PTPRG: variants seen among roughly 807,000 people sequenced by gnomAD.
PTPRG encodes receptor-type tyrosine-protein phosphatase gamma.
In PTPRG, 102 loss-of-function variants were observed where a neutral mutation model predicts 165.3. The observed-to-expected ratio is 0.62, with a 90% CI of 0.53 to 0.73. PTPRG has a LOEUF of 0.73. PTPRG is among the 30% of genes least tolerant of loss of function. PTPRG has a pLI of 0.00. For synonymous variants in PTPRG, 675 were observed against 669.5 expected (o/e 1.01, Z -0.13); for missense variants, 1,866 against 1,861.4 (o/e 1.00, Z -0.05).
intron 2 of PTPRG, among the ~76,000 whole-genome samples, chr3:61,937,087 C>T (rs918824691): frequency 8.5e-5 from 13 of 152,260 alleles, no homozygotes; most frequent in Admixed American, 6.5e-4. Context: ...TGTAGTGCAC[C>T]GTTGCCCTGT....
intron 2 of PTPRG, among the ~76,000 whole-genome samples, chr3:61,832,919 G>A (rs1439017110): frequency 2.0e-5 from 3 of 152,106 alleles, no homozygotes; most frequent in Non-Finnish European, 4.4e-5. Context: ...TTGCATTCTC[G>A]TAGCTTGGCT....
At chr3:62,011,873 G>A (rs1402442602) in intron 4 of PTPRG, among the ~76,000 whole-genome samples, 2 of 152,206 alleles carry the variant, frequency 1.3e-5, no homozygotes, top group East Asian at 1.9e-4. Context: ...AGGGCTGTTT[G>A]ATGGTGTGTC....
At chr3:61,916,115 G>A (rs1436959638) in intron 2 of PTPRG, among the ~76,000 whole-genome samples, 4 of 152,170 alleles carry the variant, frequency 2.6e-5, no homozygotes, top group Admixed American at 6.5e-5. Context: ...AGTTACATTT[G>A]CCATGTAAGA....
chr3:61,695,784 G>A (rs1387125630), intron 1 of PTPRG, among the ~76,000 whole-genome samples: 1 of 152,088 alleles, frequency 6.6e-6, no homozygotes, highest in Non-Finnish European at 1.5e-5. Context: ...TAATTTTATT[G>A]TTTTTGCCAA....
At position 61,933,496 on chromosome 3, in the gene PTPRG, G is replaced by A. The variant is rs572222946; in HGVS notation, c.191-56129G>A. ...AAATGAGATTCCCCACCAAGCATAC[G>A]TTGCTTCTGGTGTCTGGTGAGTGTA... On this transcript the variant is annotated intron_variant, in intron 2 of 29. Coordinates refer to ENST00000474889, the MANE Select transcript of PTPRG (RefSeq NM_002841.4). Among the ~76,000 whole-genome samples the A allele has an allele frequency of 4.6e-5, 7 of 152,268 alleles. No homozygotes were observed. In the South Asian group the frequency reaches 6.2e-4, roughly 14 times the overall value.
At chr3:61,854,946 G>A (rs895114280) in intron 2 of PTPRG, among the ~76,000 whole-genome samples, 30 of 152,182 alleles carry the variant, frequency 2.0e-4, no homozygotes, top group East Asian at 5.8e-4. Context: ...TGCCTAAATC[G>A]CACATTTGCA....
intron 4 of PTPRG, among the ~76,000 whole-genome samples, chr3:62,048,972 C>T (rs577171448): frequency 1.3e-4 from 20 of 152,156 alleles, no homozygotes; most frequent in Admixed American, 6.6e-4. Flanking sequence ...CTGACCTTTT[C>T]AAAAGGGATA....
intron 23 of PTPRG, among the ~76,000 whole-genome samples, chr3:62,274,817 A>G (rs529978980): frequency 6.6e-6 from 1 of 152,282 alleles, no homozygotes; most frequent in South Asian, 2.1e-4. Context: ...AATAATGAGG[A>G]CACAGTGTAT....
At chr3:61,781,516 C>T (rs1276073336) in intron 2 of PTPRG, among the ~76,000 whole-genome samples, 2 of 152,110 alleles carry the variant, frequency 1.3e-5, no homozygotes, top group Non-Finnish European at 2.9e-5. Context: ...CTGACCTCTC[C>T]ACTGAATAAA....
chr3:61,995,759 C>T (rs915878262), intron 3 of PTPRG, among the ~76,000 whole-genome samples: 9 of 142,930 alleles, frequency 6.3e-5, no homozygotes, highest in South Asian at 2.3e-4. Flanking sequence ...CTCCCTCTCT[C>T]CCTCCCTCCT....
chr3:61,750,455 C>T (rs1243308510), intron 2 of PTPRG: 9 of 152,180 alleles, frequency 5.9e-5, no homozygotes, highest in African/African-American at 2.2e-4. Flanking sequence ...GTGGTGCCAT[C>T]TTTGTGATGG....
intron 2 of PTPRG, among the ~76,000 whole-genome samples, chr3:61,942,496 C>T (rs1451461432): frequency 6.6e-6 from 1 of 152,188 alleles, no homozygotes; most frequent in African/African-American, 2.4e-5. Flanking sequence ...TTAGGTTCAA[C>T]AAATATTTAT....
intron 2 of PTPRG, among the ~76,000 whole-genome samples, chr3:61,892,675 G>A (rs1194323953): frequency 6.6e-6 from 1 of 152,110 alleles, no homozygotes; most frequent in Non-Finnish European, 1.5e-5. Context: ...AATTAGCCGG[G>A]TGTGGTGGAA....
At chr3:62,165,371 T>C (rs1209198460) in intron 7 of PTPRG, among the ~76,000 whole-genome samples, 1 of 152,236 alleles carries the variant, frequency 6.6e-6, no homozygotes, top group East Asian at 1.9e-4. Flanking sequence ...GTTCTGACTT[T>C]GGTAGTCCTG....
chr3:61,682,011 G>A (rs1324050693), intron 1 of PTPRG, among the ~76,000 whole-genome samples: 2 of 152,030 alleles, frequency 1.3e-5, no homozygotes, highest in Non-Finnish European at 2.9e-5. Flanking sequence ...TTAGCCAGGC[G>A]TGGGGTGCAC....
intron 1 of PTPRG, among the ~76,000 whole-genome samples, chr3:61,652,048 G>C (rs1007431746): frequency 5.3e-5 from 8 of 151,674 alleles, no homozygotes; most frequent in Admixed American, 4.6e-4. Context: ...AGTAGCTTAT[G>C]CCTGTAATCC....
intron 1 of PTPRG, among the ~76,000 whole-genome samples, chr3:61,636,972 A>G (rs1195681534): frequency 6.6e-6 from 1 of 152,188 alleles, no homozygotes; most frequent in East Asian, 1.9e-4. Context: ...GTACTATGCC[A>G]ATTGGTTAAA....
intron 1 of PTPRG, among the ~76,000 whole-genome samples, chr3:61,656,106 T>C (rs1302274435): frequency 1.3e-5 from 2 of 148,902 alleles, no homozygotes; most frequent in Non-Finnish European, 3.0e-5. Flanking sequence ...AGTGGTGAGC[T>C]CCTGTAGTCC....
chr3:61,940,024 G>A (rs1294250472), intron 2 of PTPRG, among the ~76,000 whole-genome samples: 1 of 129,550 alleles, frequency 7.7e-6, no homozygotes, highest in Non-Finnish European at 1.5e-5. Context: ...TCAGCTCACT[G>A]CAACCTCTGC....
Sources: gnomAD v4.1 joint callset for allele counts (sites outside exome capture counted in the v4.1 genomes callset) on GRCh38, gnomAD v4.1.1 for gene constraint, MANE v1.5 for transcripts, NCBI Gene and HGNC (gene_info 2026-07-23, HGNC 2026-07-21) for gene names.